BRCC3: variants seen among roughly 807,000 people sequenced by gnomAD.
The protein encoded by BRCC3 is BRCA1/BRCA2-containing complex subunit 3, also known as lys-63-specific deubiquitinase BRCC36.
Under a neutral mutation model 28.0 loss-of-function variants are expected in BRCC3, and 15 were observed. That is an observed-to-expected ratio of 0.54 (90% CI 0.36 to 0.82). The LOEUF is 0.82. Among genes scored for constraint, BRCC3 ranks in the 40% least tolerant of loss-of-function variants. The probability of loss-of-function intolerance (pLI) is 0.01; values close to 1 mark genes in which losing one functional copy is unlikely to be tolerated. For missense variants in BRCC3, 109 were observed against 225.9 expected (o/e 0.48, Z 3.32); for synonymous variants, 66 against 80.3 (o/e 0.82, Z 0.95).
chrX:155,093,050 T>C (rs1413329417), intron 7 of BRCC3, among the ~76,000 whole-genome samples: 1 of 111,211 alleles, frequency 9.0e-6, no homozygotes, highest in Non-Finnish European at 1.9e-5. Flanking sequence ...TTGTAGGGCA[T>C]TTTTTTCCCT....
At chrX:155,090,980 G>C in intron 7 of BRCC3, 141 bp downstream of exon 7, 1 of 497,212 alleles carries the variant, frequency 2.0e-6, no homozygotes, top group Non-Finnish European at 3.4e-6. Context: ...ACAGCTCTAC[G>C]ATGAGTTAGA....
At position 155,077,215 on chromosome X, in the gene BRCC3, C is replaced by T. The variant is rs782376891; in HGVS notation, c.241C>T (p.Arg81Ter). 1.7e-6 allele frequency: 2 copies of T among 1,191,319 alleles called. No individual in the cohort carries two copies. Among genetic ancestry groups the T allele is most frequent in the Non-Finnish European group, 2.3e-6 (2 of 882,130 alleles). ...IVHIHSVIIL[R>*]RSDKRKDRVE... Reference sequence around the variant, plus strand: ...TCACATTCATTCTGTCATCATCTTACGACGTTCTGATAAGAGGAAGGACCG... The same window carrying T: ...TCACATTCATTCTGTCATCATCTTATGACGTTCTGATAAGAGGAAGGACCG... Residue 81 changes from arginine to a stop codon, truncating the protein, a stop_gained, in exon 4 of 11, where the codon CGA becomes TGA. Coordinates refer to ENST00000330045, the MANE Select transcript of BRCC3 (RefSeq NM_001018055.3). LOFTEE classifies it high-confidence loss of function.
rs146998979 is a variant in BRCC3 at position 155,072,892 on chromosome X, A to C, written c.141-485A>C. Among the ~76,000 whole-genome samples, 47 of 110,520 alleles carry C rather than the reference A, an allele frequency of 4.3e-4. No homozygotes were observed. The East Asian group carries it at 0.012, about 28-fold the overall frequency. On this transcript the variant is annotated intron_variant, in intron 2 of 10. Coordinates refer to ENST00000330045, the MANE Select transcript of BRCC3 (RefSeq NM_001018055.3). ...GTATTTCATGTTCTGTCTCCCCTTA[A>C]ATGCCAGTGAGATATCAGTAATTTT...
At chrX:155,107,311 T>G (rs1314301926) in intron 7 of BRCC3, among the ~76,000 whole-genome samples, 1 of 109,525 alleles carries the variant, frequency 9.1e-6, no homozygotes, top group African/African-American at 3.3e-5. Flanking sequence ...CTAAGTAGTA[T>G]TTTTATTTAT....
chrX:155,111,162 GTATCA>G (rs1389510816), intron 7 of BRCC3, among the ~76,000 whole-genome samples: 1 of 110,960 alleles, frequency 9.0e-6, no homozygotes, highest in Non-Finnish European at 1.9e-5. Flanking sequence ...AAAAGAAAAA[GTATCA>G]TATAAGAAAT....
At chrX:155,072,913 A>G (rs782111933) in intron 2 of BRCC3, among the ~76,000 whole-genome samples, 2 of 110,730 alleles carry the variant, frequency 1.8e-5, no homozygotes, top group East Asian at 5.6e-4. Context: ...GATATCAGTA[A>G]TTTTCTTAGT....
chrX:155,097,883 C>G (rs1471108602), intron 7 of BRCC3, among the ~76,000 whole-genome samples: 3 of 111,621 alleles, frequency 2.7e-5, no homozygotes, highest in Non-Finnish European at 5.6e-5. Flanking sequence ...GTGGTCCCAG[C>G]TACTGGGGAG....
intron 7 of BRCC3, among the ~76,000 whole-genome samples, chrX:155,106,741 T>C (rs1742156086): frequency 8.9e-6 from 1 of 112,623 alleles, no homozygotes; most frequent in Admixed American, 9.4e-5. Context: ...GAAATGTAAG[T>C]AGCAGTGAGA....
chrX:155,081,107 G>C (rs782346136), intron 5 of BRCC3, among the ~76,000 whole-genome samples: 1 of 111,494 alleles, frequency 9.0e-6, no homozygotes, highest in African/African-American at 3.3e-5. Flanking sequence ...GAGGTAGGCA[G>C]ATCACTTGAG....
intron 3 of BRCC3, among the ~76,000 whole-genome samples, 152 bp from the exon 4 acceptor site, chrX:155,077,018 A>T (rs2074049871): frequency 8.9e-6 from 1 of 112,017 alleles, no homozygotes; most frequent in Non-Finnish European, 1.9e-5. Flanking sequence ...GGTGTCTTTT[A>T]TTTGAAACAT....
intron 3 of BRCC3, among the ~76,000 whole-genome samples, chrX:155,076,360 G>T (rs1376222763): frequency 9.0e-6 from 1 of 110,725 alleles, no homozygotes; most frequent in Non-Finnish European, 1.9e-5. Flanking sequence ...CTGCACTCCA[G>T]CCTGGGCGAC....
chrX:155,089,855 G>C (rs1341299209), intron 6 of BRCC3, among the ~76,000 whole-genome samples: 7 of 112,067 alleles, frequency 6.2e-5, no homozygotes, highest in African/African-American at 2.3e-4. Flanking sequence ...TCTGGCTTCT[G>C]TGTAGACTGA....
chrX:155,110,927 A>G (rs1295499377), intron 7 of BRCC3, among the ~76,000 whole-genome samples: 1 of 111,170 alleles, frequency 9.0e-6, no homozygotes, highest in African/African-American at 3.3e-5. Flanking sequence ...GGATATAAAC[A>G]AGATCCAAAG....
Position 155,110,154 on chromosome X carries a change from T to G in BRCC3, c.549-5903T>G, listed in dbSNP as rs371264038. On this transcript the variant is annotated intron_variant, in intron 7 of 10. Coordinates refer to ENST00000330045, the MANE Select transcript of BRCC3 (RefSeq NM_001018055.3). Reference sequence around the variant, plus strand: ...TATATATCTTTTTCATAAATAAGATTGATCCATAATTTTCTTTTCTTTAAA... The same window carrying G: ...TATATATCTTTTTCATAAATAAGATGGATCCATAATTTTCTTTTCTTTAAA... Among the ~76,000 whole-genome samples the G allele has an allele frequency of 1.5e-4, 17 of 112,041 alleles. No individual in the cohort carries two copies. In the South Asian group the frequency reaches 5.5e-3, roughly 36 times the overall value.
Position 155,122,126 on chromosome X carries a change from C to G in BRCC3, c.*922C>G. ...TGTGTAACAGAGTGAGGCCTCATCT[C>G]AAAAAAAAAAAAAGGCCACAAAACT... On this transcript the variant is annotated 3_prime_UTR_variant, in exon 11 of 11. Transcript: ENST00000330045. 1.4e-5 allele frequency: 1 copy of G among 70,749 alleles called. No homozygotes were observed. The allele number at this position is 70,749 out of a possible 1,213,427, so 5.8% of individuals were successfully genotyped here. A position where few individuals can be genotyped will look rare whatever the true frequency, so the allele number is the denominator to read the frequency against.
chrX:155,079,563 C>T (rs1457916645), intron 5 of BRCC3, among the ~76,000 whole-genome samples: 2 of 111,347 alleles, frequency 1.8e-5, no homozygotes, highest in Non-Finnish European at 3.8e-5. Flanking sequence ...GAGGATGTTT[C>T]TCAGAATCAC....
At chrX:155,088,354 T>C (rs2074148710) in intron 5 of BRCC3, among the ~76,000 whole-genome samples, 1 of 103,335 alleles carries the variant, frequency 9.7e-6, no homozygotes, top group African/African-American at 3.5e-5. Flanking sequence ...GTTTTTGGCT[T>C]TTTTTTTTTT....
At chrX:155,085,105 A>G (rs2074113277) in intron 5 of BRCC3, among the ~76,000 whole-genome samples, 1 of 112,604 alleles carries the variant, frequency 8.9e-6, no homozygotes, top group South Asian at 3.6e-4. Flanking sequence ...ACTTCACAGG[A>G]ACATTTTCAC....
chrX:155,111,391 C>T, intron 7 of BRCC3, among the ~76,000 whole-genome samples: 1 of 111,488 alleles, frequency 9.0e-6, no homozygotes, highest in Non-Finnish European at 1.9e-5. Context: ...AGAAAAACCA[C>T]AAAAGGTAGC....
Sources: allele counts gnomAD v4.1 joint callset (sites outside exome capture counted in the v4.1 genomes callset), GRCh38; gene constraint gnomAD v4.1.1; transcripts MANE v1.5; gene names NCBI Gene and HGNC (gene_info 2026-07-23, HGNC 2026-07-21).